The following FRMD4B variants were observed in gnomAD, a reference collection of about 807,000 sequenced individuals.
The protein encoded by FRMD4B is FERM domain containing 4B.
A neutral mutation model predicts 141.5 loss-of-function variants in FRMD4B; 74 were observed. That is an observed-to-expected ratio of 0.52 (90% CI 0.43 to 0.63). The LOEUF is 0.63. FRMD4B is among the 30% of genes least tolerant of loss of function. The probability of loss-of-function intolerance (pLI) is 0.00; values close to 1 mark genes in which losing one functional copy is unlikely to be tolerated. For missense variants in FRMD4B, 1,366 were observed against 1,253.4 expected (o/e 1.09, Z -1.36); for synonymous variants, 506 against 467.9 (o/e 1.08, Z -1.05).
chr3:69,283,602 A>C (rs987649115), intron 5 of FRMD4B, among the ~76,000 whole-genome samples: 5 of 152,218 alleles, frequency 3.3e-5, no homozygotes, highest in African/African-American at 9.6e-5. Context: ...CCACCTTTGC[A>C]TTAGCAACAG....
At chr3:69,253,519 A>G (rs184474856) in intron 5 of FRMD4B, among the ~76,000 whole-genome samples, 2 of 152,258 alleles carry the variant, frequency 1.3e-5, no homozygotes, top group Admixed American at 1.3e-4. Flanking sequence ...CTCTTCCCAT[A>G]TGGATCAGTA....
rs2092588664 is a variant in FRMD4B at position 69,171,763 on chromosome 3, T to C, written c.*98A>G. Reference sequence around the variant, plus strand: ...TCTTCTCTTCAACCTTTGATGTCTTTAGGTTTCTAAAACGAACATCCTCTC... The same window carrying C: ...TCTTCTCTTCAACCTTTGATGTCTTCAGGTTTCTAAAACGAACATCCTCTC... On this transcript the variant is annotated 3_prime_UTR_variant, in exon 23 of 23. Transcript: ENST00000398540. 5.0e-6 allele frequency: 6 copies of C among 1,200,104 alleles called. No homozygotes were observed. The highest frequency in any genetic ancestry group is 1.9e-5 in the Admixed American group (1 of 51,592). The allele number at this position is 1,200,104 out of a possible 1,614,324, so 74.3% of individuals were successfully genotyped here. A position where few individuals can be genotyped will look rare whatever the true frequency, so the allele number is the denominator to read the frequency against.
intron 5 of FRMD4B, among the ~76,000 whole-genome samples, chr3:69,269,591 G>A (rs915021532): frequency 1.3e-5 from 2 of 152,208 alleles, no homozygotes; most frequent in Non-Finnish European, 2.9e-5. Context: ...CTTGGCTGGT[G>A]TCCAACACCC....
intron 5 of FRMD4B, among the ~76,000 whole-genome samples, chr3:69,256,360 C>G (rs999080444): frequency 6.6e-6 from 1 of 152,184 alleles, no homozygotes; most frequent in African/African-American, 2.4e-5. Flanking sequence ...CACTCTGCCT[C>G]ACAGGCTGGA....
Position 69,222,060 on chromosome 3 carries a change from C to CTT in FRMD4B, c.666-139_666-138dup, listed in dbSNP as rs1407765837. On this transcript the variant is annotated intron_variant, in intron 8 of 22. Transcript: ENST00000398540. ...AACTTGTTTGGTAGATAGAGTTTGG[C>CTT]TTTTGTTTCTGTAGGAGATGGATTC... The CTT allele has an allele frequency of 6.4e-6, 4 of 625,704 alleles. No individual in the cohort carries two copies. The East Asian group carries it at 8.3e-5, about 13-fold the overall frequency. The allele number at this position is 625,704 out of a possible 1,614,324, so 38.8% of individuals were successfully genotyped here. A position where few individuals can be genotyped will look rare whatever the true frequency, so the allele number is the denominator to read the frequency against.
intron 2 of FRMD4B, among the ~76,000 whole-genome samples, chr3:69,414,836 T>C (rs11921571): frequency 0.031 from 4,623 of 151,272 alleles, 253 homozygotes; most frequent in African/African-American, 0.11. Flanking sequence ...ATTGTACTTA[T>C]GTTGAGACTC....
intron 1 of FRMD4B, among the ~76,000 whole-genome samples, chr3:69,524,852 C>A (rs75976384): frequency 0.04 from 6,046 of 152,238 alleles, 335 homozygotes; most frequent in East Asian, 0.12. Flanking sequence ...CAGCCACATG[C>A]CCAGACAAAA....
At chr3:69,492,974 T>A (rs772525248) in intron 1 of FRMD4B, among the ~76,000 whole-genome samples, 1 of 152,354 alleles carries the variant, frequency 6.6e-6, no homozygotes, top group African/African-American at 2.4e-5. Context: ...CATCTCTGTA[T>A]CTTCAGTCTC....
intron 13 of FRMD4B, 89 bp downstream of exon 13, chr3:69,196,811 T>C (rs1243015409): frequency 2.0e-6 from 2 of 989,144 alleles, no homozygotes; most frequent in East Asian, 2.6e-5. Context: ...CAAAAATATA[T>C]GTGCTTGCAT....
At chr3:69,332,666 G>T (rs912517888) in intron 1 of FRMD4B, among the ~76,000 whole-genome samples, 1 of 151,290 alleles carries the variant, frequency 6.6e-6, no homozygotes, top group Non-Finnish European at 1.5e-5. Flanking sequence ...AGCCTTGAAC[G>T]CCTGAGCTCA....
intron 1 of FRMD4B, among the ~76,000 whole-genome samples, chr3:69,485,459 G>T (rs1706199260): frequency 6.6e-6 from 1 of 152,186 alleles, no homozygotes; most frequent in South Asian, 2.1e-4. Context: ...GGTGGCTGCA[G>T]CCCTGCTCAG....
intron 1 of FRMD4B, among the ~76,000 whole-genome samples, chr3:69,440,664 C>T (rs1705329334): frequency 6.6e-6 from 1 of 152,056 alleles, no homozygotes; most frequent in Non-Finnish European, 1.5e-5. Flanking sequence ...AAAAATTAGC[C>T]AGGTGTGGTG....
At chr3:69,473,717 A>G (rs530182471) in intron 1 of FRMD4B, among the ~76,000 whole-genome samples, 1 of 152,326 alleles carries the variant, frequency 6.6e-6, no homozygotes, top group South Asian at 2.1e-4. Context: ...TAATACAACT[A>G]ATATAATTTA....
At chr3:69,412,885 A>G (rs1259097396) in intron 2 of FRMD4B, among the ~76,000 whole-genome samples, 1 of 97,698 alleles carries the variant, frequency 1.0e-5, no homozygotes, top group African/African-American at 4.2e-5. Context: ...GAGAAGCTCC[A>G]CTTTGTTCCC....
At chr3:69,348,002 T>C (rs984903611) in intron 1 of FRMD4B, among the ~76,000 whole-genome samples, 3 of 151,980 alleles carry the variant, frequency 2.0e-5, no homozygotes, top group Non-Finnish European at 4.4e-5. Context: ...CTGAAGGAGA[T>C]AGAGACACTA....
At chr3:69,343,571 TTTTTTG>T (rs202008383) in intron 1 of FRMD4B, among the ~76,000 whole-genome samples, 3 of 114,646 alleles carry the variant, frequency 2.6e-5, no homozygotes, top group Admixed American at 9.8e-5. Flanking sequence ...GTCTTAACAG[TTTTTTG>T]TTTTTTTTTT....
At chr3:69,192,410 A>C (rs2092848032) in intron 17 of FRMD4B, among the ~76,000 whole-genome samples, 1 of 152,108 alleles carries the variant, frequency 6.6e-6, no homozygotes, top group Non-Finnish European at 1.5e-5. Context: ...AAACAAAAAA[A>C]CCCAAAACTA....
At chr3:69,430,724 T>C (rs1183865526) in intron 2 of FRMD4B, among the ~76,000 whole-genome samples, 1 of 152,188 alleles carries the variant, frequency 6.6e-6, no homozygotes, top group African/African-American at 2.4e-5. Context: ...CAGGGAAGGC[T>C]CTAAAGGTGA....
chr3:69,355,944 C>T (rs1280632687), intron 1 of FRMD4B, among the ~76,000 whole-genome samples: 1 of 152,052 alleles, frequency 6.6e-6, no homozygotes, highest in Admixed American at 6.6e-5. Context: ...AGAATTGCTT[C>T]AACCTGGGAG....
Sources: allele counts gnomAD v4.1 joint callset (sites outside exome capture counted in the v4.1 genomes callset), GRCh38; gene constraint gnomAD v4.1.1; transcripts MANE v1.5; gene names NCBI Gene and HGNC (gene_info 2026-07-23, HGNC 2026-07-21).